Variants in RPTOR observed in about 807,000 individuals in gnomAD.
RPTOR encodes regulatory-associated protein of mTOR.
RPTOR carries 21 observed loss-of-function variants against 169.9 expected under a neutral mutation model. That is an observed-to-expected ratio of 0.12 (90% CI 0.09 to 0.18). RPTOR has a LOEUF of 0.18. RPTOR is among the 10% of genes least tolerant of loss of function. The pLI is 1.00. For missense variants in RPTOR, 1,133 were observed against 1,855.9 expected, an observed-to-expected ratio of 0.61 and a Z score of 7.16; for synonymous variants, 732 against 753.2, an observed-to-expected ratio of 0.97 and a Z score of 0.46.
intron 5 of RPTOR, among the ~76,000 whole-genome samples, chr17:80,737,077 A>T (rs1848274396): frequency 1.3e-5 from 2 of 152,194 alleles, no homozygotes; most frequent in South Asian, 2.1e-4. Context: ...TTTGAAGAAG[A>T]TGCTTTCCCC....
chr17:80,573,686 C>G (rs1237161403), intron 1 of RPTOR, among the ~76,000 whole-genome samples: 1 of 152,190 alleles, frequency 6.6e-6, no homozygotes, highest in Non-Finnish European at 1.5e-5. Flanking sequence ...CCCCTTGATC[C>G]TGAAGAGTGT....
chr17:80,572,215 A>G (rs2064914465), intron 1 of RPTOR, among the ~76,000 whole-genome samples: 1 of 152,118 alleles, frequency 6.6e-6, no homozygotes, highest in Non-Finnish European at 1.5e-5. Context: ...TTCCCACCTC[A>G]GCCTCCCAAG....
intron 1 of RPTOR, among the ~76,000 whole-genome samples, chr17:80,586,124 C>T (rs116884499): frequency 9.5e-4 from 144 of 152,270 alleles, no homozygotes; most frequent in Non-Finnish European, 1.9e-3. Flanking sequence ...GTGAGGGCAT[C>T]AATCCCCCGT....
intron 1 of RPTOR, among the ~76,000 whole-genome samples, chr17:80,581,863 C>G (rs2065017853): frequency 6.6e-6 from 1 of 152,248 alleles, no homozygotes; most frequent in Non-Finnish European, 1.5e-5. Context: ...ATTCACAGAG[C>G]ACACCTGAGA....
intron 10 of RPTOR, among the ~76,000 whole-genome samples, chr17:80,841,375 A>G (rs1374276482): frequency 2.7e-5 from 3 of 109,346 alleles, no homozygotes; most frequent in Non-Finnish European, 5.6e-5. Context: ...CGCAGCTCAC[A>G]CTCACCGCAC....
At chr17:80,840,662 A>G (rs1473838877) in intron 10 of RPTOR, among the ~76,000 whole-genome samples, 308 of 27,182 alleles carry the variant, frequency 0.011, 1 homozygote, top group Middle Eastern at 0.036. Flanking sequence ...TCACCACACC[A>G]CAGCTCACTC....
intron 21 of RPTOR, among the ~76,000 whole-genome samples, chr17:80,918,467 G>GCGGGGGTCATAGCCACGAGCACCCTCA (rs2068703156): frequency 6.9e-6 from 1 of 144,546 alleles, no homozygotes. Context: ...GAGCACCCTC[G>GCGGGGGTCATAGCCACGAGCACCCTCA]CCGGAGTCAT....
intron 9 of RPTOR, among the ~76,000 whole-genome samples, chr17:80,828,211 A>T (rs987708903): frequency 1.3e-5 from 2 of 152,224 alleles, no homozygotes; most frequent in African/African-American, 4.8e-5. Flanking sequence ...CTGATCAGGC[A>T]GAGACGAGCA....
At chr17:80,592,117 G>A (rs942485970) in intron 1 of RPTOR, among the ~76,000 whole-genome samples, 6 of 152,006 alleles carry the variant, frequency 3.9e-5, no homozygotes, top group African/African-American at 1.5e-4. Context: ...GGTTTTATTT[G>A]TCTCTCTCAT....
chr17:80,777,362 T>G (rs2066901557), intron 6 of RPTOR, among the ~76,000 whole-genome samples: 1 of 152,126 alleles, frequency 6.6e-6, no homozygotes, highest in Admixed American at 6.5e-5. Flanking sequence ...TACGGATAAT[T>G]TTAGATATGT....
intron 4 of RPTOR, among the ~76,000 whole-genome samples, chr17:80,711,240 G>GTGA (rs2066187606): frequency 2.0e-5 from 3 of 152,290 alleles, no homozygotes; most frequent in South Asian, 2.1e-4. Context: ...GATTATTCCT[G>GTGA]TGAGGAGTTT....
intron 6 of RPTOR, 27 bp from the exon 7 acceptor site, chr17:80,791,423 C>T (rs372544649): frequency 3.2e-4 from 507 of 1,608,754 alleles, no homozygotes; most frequent in Non-Finnish European, 3.9e-4. Flanking sequence ...CCATTCATGC[C>T]GTTCACATTC....
chr17:80,868,577 A>G (rs894156295), intron 13 of RPTOR, among the ~76,000 whole-genome samples: 1 of 152,246 alleles, frequency 6.6e-6, no homozygotes, highest in Non-Finnish European at 1.5e-5. Flanking sequence ...ACAGTTTCTT[A>G]TAAAGATTAG....
rs2084261882 is a variant in RPTOR at position 80,545,409 on chromosome 17, C to T, written c.-221C>T. On this transcript the variant is annotated 5_prime_UTR_variant, in exon 1 of 34. Coordinates refer to ENST00000306801, the MANE Select transcript of RPTOR (RefSeq NM_020761.3). ...TGTGTCTGCGGAGCTTCTTGGGCTG[C>T]CCCATTTCCTAGCGGCCCCCACCTC... 2.2e-6 allele frequency: 1 copy of T among 451,452 alleles called. No individual in the cohort carries two copies. The allele number at this position is 451,452 out of a possible 1,614,324, so 28.0% of individuals were successfully genotyped here.
chr17:80,793,436 T>C (rs2143502436), intron 7 of RPTOR, among the ~76,000 whole-genome samples: 1 of 152,322 alleles, frequency 6.6e-6, no homozygotes, highest in Admixed American at 6.5e-5. Context: ...AAAACTGTCT[T>C]GGTGTTTTCT....
chr17:80,957,549 G>T lies in RPTOR; in HGVS notation c.3371-75G>T. The T allele has an allele frequency of 7.1e-7, 1 of 1,415,414 alleles. No individual in the cohort carries two copies. Among genetic ancestry groups the T allele is most frequent in the Admixed American group, 1.7e-5 (1 of 59,550 alleles). The allele number at this position is 1,415,414 out of a possible 1,614,324, so 87.7% of individuals were successfully genotyped here. ...CCTTGTAGCTGCTGGCCAAATTGCT[G>T]CCCAGAGCAGGCCCCAAAGCCTGCC... On this transcript the variant is annotated intron_variant, in intron 28 of 33. Transcript: ENST00000306801. The surrounding 1 kb of genome is among the most constrained non-coding windows in gnomAD (Gnocchi z 4.6).
At chr17:80,720,972 A>AGAGACACTTCCCCGACCC (rs1244229843) in intron 4 of RPTOR, among the ~76,000 whole-genome samples, 3 of 151,044 alleles carry the variant, frequency 2.0e-5, no homozygotes, top group Admixed American at 6.6e-5. Flanking sequence ...ACGTGTCGGG[A>AGAGACACTTCCCCGACCC]GAGACACTTC....
chr17:80,635,632 C>T (rs1340122831), intron 2 of RPTOR, among the ~76,000 whole-genome samples: 1 of 152,080 alleles, frequency 6.6e-6, no homozygotes, highest in Non-Finnish European at 1.5e-5. Context: ...GGGAGGTCAG[C>T]GCCTAGTACG....
At chr17:80,889,376 C>T (rs758259539) in intron 17 of RPTOR, among the ~76,000 whole-genome samples, 12 of 152,234 alleles carry the variant, frequency 7.9e-5, no homozygotes, top group South Asian at 4.1e-4. Context: ...GCCTCCCTTT[C>T]GAGGAAGGCT....
Sources: gnomAD v4.1 joint callset for allele counts (sites outside exome capture counted in the v4.1 genomes callset) on GRCh38, gnomAD v4.1.1 for gene constraint, Gnocchi (gnomAD v3.1) non-coding constraint, MANE v1.5 for transcripts, NCBI Gene and HGNC (gene_info 2026-07-23, HGNC 2026-07-21) for gene names.